Variants in PLCB1 observed in about 807,000 individuals in gnomAD.
PLCB1 encodes 1-phosphatidylinositol 4,5-bisphosphate phosphodiesterase beta-1.
In PLCB1, 46 loss-of-function variants were observed where a neutral mutation model predicts 161.8. The observed-to-expected ratio is 0.28, with a 90% CI of 0.22 to 0.36. The LOEUF is 0.36. Among genes scored for constraint, PLCB1 ranks in the 10% least tolerant of loss-of-function variants. PLCB1 has a pLI of 1.00. For synonymous variants in PLCB1, 517 were observed against 503.7 expected (o/e 1.03, Z -0.35); for missense variants, 1,016 against 1,472.5 (o/e 0.69, Z 5.07).
intron 2 of PLCB1, among the ~76,000 whole-genome samples, chr20:8,340,175 T>C (rs921879566): frequency 2.6e-5 from 4 of 152,132 alleles, no homozygotes; most frequent in African/African-American, 9.7e-5. Context: ...GACCTAGGAA[T>C]TCCTGCCTAG....
chr20:8,737,007 A>G, intron 19 of PLCB1, 21 bp from the exon 20 acceptor site: 1 of 1,584,416 alleles, frequency 6.3e-7, no homozygotes, highest in Non-Finnish European at 8.7e-7. Flanking sequence ...TTATGGATTG[A>G]TTGATTTATT....
chr20:8,410,179 G>A (rs1051158887), intron 3 of PLCB1, among the ~76,000 whole-genome samples: 4 of 151,962 alleles, frequency 2.6e-5, no homozygotes, highest in Non-Finnish European at 5.9e-5. Context: ...TATACCAAAT[G>A]TATTTATCCA....
intron 3 of PLCB1, among the ~76,000 whole-genome samples, chr20:8,428,615 C>T (rs1979894731): frequency 6.6e-6 from 1 of 152,178 alleles, no homozygotes; most frequent in South Asian, 2.1e-4. Context: ...TTATTCACTC[C>T]TGGTTTGTAT....
chr20:8,643,450 G>A (rs1989018391), intron 4 of PLCB1, among the ~76,000 whole-genome samples: 1 of 151,940 alleles, frequency 6.6e-6, no homozygotes, highest in African/African-American at 2.4e-5. Flanking sequence ...AGTTTTCTCT[G>A]CTCGGGATTC....
intron 3 of PLCB1, among the ~76,000 whole-genome samples, chr20:8,456,352 T>C (rs1430234525): frequency 1.3e-5 from 2 of 152,236 alleles, no homozygotes; most frequent in Non-Finnish European, 2.9e-5. Context: ...TTCCGATCTT[T>C]GCTGTGAATT....
At chr20:8,347,856 G>T (rs1181921042) in intron 2 of PLCB1, among the ~76,000 whole-genome samples, 1 of 152,000 alleles carries the variant, frequency 6.6e-6, no homozygotes, top group Non-Finnish European at 1.5e-5. Flanking sequence ...CAAGTGGTTA[G>T]AAGACAAAAA....
At chr20:8,750,933 CTTTT>C (rs769913295) in intron 23 of PLCB1, 419 of 412,522 alleles carry the variant, frequency 1.0e-3, no homozygotes, top group South Asian at 1.1e-3. Flanking sequence ...GAACTGCACT[CTTTT>C]TTTTTTTTTT....
At chr20:8,671,834 C>T (rs567229947) in intron 9 of PLCB1, among the ~76,000 whole-genome samples, 1 of 152,272 alleles carries the variant, frequency 6.6e-6, no homozygotes, top group East Asian at 1.9e-4. Flanking sequence ...TTCCATTGCC[C>T]AGGCATGATA....
At position 8,513,484 on chromosome 20, in the gene PLCB1, A is replaced by C. The variant is rs141888632; in HGVS notation, c.247-114810A>C. ...TTTACAGTATAAACAATTATATTCA[A>C]TTAAATGCACGAAGTGTGCTAGAAT... On this transcript the variant is annotated intron_variant, in intron 3 of 31. Transcript: ENST00000338037. Among the ~76,000 whole-genome samples, 314 of 152,356 alleles carry C rather than the reference A, an allele frequency of 2.1e-3. 3 individuals carry two copies. The highest frequency in any genetic ancestry group is 7.2e-3 in the African/African-American group (300 of 41,576).
chr20:8,279,427 G>A (rs1982766828), intron 2 of PLCB1, among the ~76,000 whole-genome samples: 1 of 152,174 alleles, frequency 6.6e-6, no homozygotes, highest in Non-Finnish European at 1.5e-5. Flanking sequence ...AAGACAGAAA[G>A]TGAGATTACA....
At chr20:8,601,569 GC>G (rs1464202428) in intron 3 of PLCB1, among the ~76,000 whole-genome samples, 1 of 152,186 alleles carries the variant, frequency 6.6e-6, no homozygotes, top group East Asian at 1.9e-4. Context: ...AATGTTAAAA[GC>G]TAACATTTCT....
In PLCB1 at chr20:8,644,767, G is replaced by T. The variant is rs1202316005; in HGVS notation, c.385-1335G>T. Among the ~76,000 whole-genome samples, 3 of 152,016 alleles carry T rather than the reference G, an allele frequency of 2.0e-5. No homozygotes were observed. In the East Asian group the frequency reaches 5.8e-4, roughly 29 times the overall value. On this transcript the variant is annotated intron_variant, in intron 4 of 31. Coordinates refer to ENST00000338037, the MANE Select transcript of PLCB1 (RefSeq NM_015192.4). ...GGGAGGTGAGGGGCGCCTCTGCCCG[G>T]CCGCCCCTACTGGGAAGTGAGGGGC...
chr20:8,253,816 T>C (rs1237001507), intron 2 of PLCB1, among the ~76,000 whole-genome samples: 1 of 151,916 alleles, frequency 6.6e-6, no homozygotes, highest in Non-Finnish European at 1.5e-5. Flanking sequence ...GTTGCTATCT[T>C]TGTGTTCACC....
rs117416008 is a variant in PLCB1, at chr20:8,519,233, A to G, written c.247-109061A>G. ...ACTCCTTGCTTTCTCGGTAGCTTAC[A>G]GACTGGAGAGTAAGAAGGGCATTCC... On this transcript the variant is annotated intron_variant, in intron 3 of 31. Transcript: ENST00000338037. Among the ~76,000 whole-genome samples the G allele has an allele frequency of 1.7e-3, 255 of 152,232 alleles. 2 individuals are homozygous for G. In the East Asian group the frequency reaches 0.023, roughly 13 times the overall value.
At chr20:8,623,298 C>T (rs79666356) in intron 3 of PLCB1, among the ~76,000 whole-genome samples, 1,915 of 152,190 alleles carry the variant, frequency 0.013, 37 homozygotes, top group African/African-American at 0.044. Context: ...TGGATGATCG[C>T]CTTCGTGTTT....
intron 1 of PLCB1, among the ~76,000 whole-genome samples, chr20:8,145,442 C>T (rs764687358): frequency 1.3e-4 from 20 of 152,172 alleles, no homozygotes; most frequent in Non-Finnish European, 2.4e-4. Context: ...GAGGAGGCCA[C>T]GATAAACCTG....
At chr20:8,723,351 C>G (rs1421794878) in intron 15 of PLCB1, among the ~76,000 whole-genome samples, 3 of 152,062 alleles carry the variant, frequency 2.0e-5, no homozygotes, top group Non-Finnish European at 4.4e-5. Flanking sequence ...ATTGGATAGT[C>G]CATTTGCAAA....
chr20:8,862,507 T>C (rs888225041), intron 31 of PLCB1, among the ~76,000 whole-genome samples: 5 of 152,236 alleles, frequency 3.3e-5, no homozygotes, highest in African/African-American at 1.2e-4. Flanking sequence ...TAATTGGCTA[T>C]GGTTAGAGTC....
At chr20:8,260,177 C>T (rs954910886) in intron 2 of PLCB1, among the ~76,000 whole-genome samples, 4 of 150,922 alleles carry the variant, frequency 2.7e-5, no homozygotes, top group African/African-American at 9.8e-5. Flanking sequence ...AACTCCTAGA[C>T]TCAAGCAATC....
Sources: gnomAD v4.1 joint callset for allele counts (sites outside exome capture counted in the v4.1 genomes callset) on GRCh38, gnomAD v4.1.1 for gene constraint, MANE v1.5 for transcripts, NCBI Gene and HGNC (gene_info 2026-07-23, HGNC 2026-07-21) for gene names.